CPAP: variants seen among roughly 807,000 people sequenced by gnomAD.
The protein encoded by CPAP is centrosomal P4.1-associated protein.
chr13:24,898,070 A>G, the CPAP span, among the ~76,000 whole-genome samples: 1 of 151,756 alleles, frequency 6.6e-6, no homozygotes, highest in African/African-American at 2.4e-5. Flanking sequence ...ATTTTTTTGT[A>G]TTTTTCGTAG....
the CPAP span, among the ~76,000 whole-genome samples, chr13:24,888,835 T>G: frequency 6.6e-6 from 1 of 152,204 alleles, no homozygotes; most frequent in East Asian, 1.9e-4. Flanking sequence ...TCATACAGTA[T>G]TGAAAGAAAA....
chr13:24,896,006 A>C, the CPAP span, among the ~76,000 whole-genome samples: 1 of 152,230 alleles, frequency 6.6e-6, no homozygotes, highest in Non-Finnish European at 1.5e-5. Flanking sequence ...TAATTTTTTG[A>C]TGATTTAATA....
chr13:24,903,178 G>T, the CPAP span, among the ~76,000 whole-genome samples: 1 of 152,152 alleles, frequency 6.6e-6, no homozygotes. Context: ...CATGACCTAG[G>T]GTAGGAGACG....
At chr13:24,884,146 G>A in the CPAP span, 14 of 1,613,788 alleles carry the variant, frequency 8.7e-6, no homozygotes, top group Admixed American at 1.8e-4. Context: ...ATGAGAGGGT[G>A]GAGCAAGTTT....
the CPAP span, among the ~76,000 whole-genome samples, chr13:24,889,572 C>T: frequency 1.1e-5 from 1 of 93,272 alleles, no homozygotes; most frequent in Non-Finnish European, 2.9e-5. Flanking sequence ...GGAATCACTG[C>T]GCGTGTGCAC....
the CPAP span, among the ~76,000 whole-genome samples, chr13:24,930,734 T>A: frequency 6.6e-6 from 1 of 152,256 alleles, no homozygotes; most frequent in Non-Finnish European, 1.5e-5. Flanking sequence ...CTGAGTTGAT[T>A]CCATGTCTTT....
At chr13:24,890,089 C>G in the CPAP span, among the ~76,000 whole-genome samples, 1 of 152,182 alleles carries the variant, frequency 6.6e-6, no homozygotes, top group Admixed American at 6.5e-5. Context: ...GTAGGGCATT[C>G]TACAAAGCAA....
the CPAP span, among the ~76,000 whole-genome samples, chr13:24,920,124 C>A: frequency 6.6e-6 from 1 of 152,132 alleles, no homozygotes; most frequent in Non-Finnish European, 1.5e-5. Context: ...GGCAAAAAAT[C>A]TGAATTTAAT....
the CPAP span, chr13:24,889,377 GTT>G: frequency 8.7e-6 from 14 of 1,610,432 alleles, no homozygotes; most frequent in Non-Finnish European, 1.2e-5. Flanking sequence ...AAATCTGACT[GTT>G]TTGAAATCGA....
chr13:24,892,942 C>A, the CPAP span: 1 of 1,064,790 alleles, frequency 9.4e-7, no homozygotes, highest in South Asian at 1.4e-5. Flanking sequence ...GAATAGAGAC[C>A]CAGCAATGAA....
chr13:24,919,388 C>T, the CPAP span, among the ~76,000 whole-genome samples: 8 of 152,130 alleles, frequency 5.3e-5, no homozygotes, highest in Admixed American at 2.0e-4. Flanking sequence ...CAATTCAAAG[C>T]CTGATACTGA....
chr13:24,899,621 C>A, the CPAP span: 11 of 1,555,050 alleles, frequency 7.1e-6, no homozygotes, highest in Non-Finnish European at 9.7e-6. Context: ...CTAAGGAGAC[C>A]ATCTCAGTGC....
the CPAP span, chr13:24,886,331 G>A: frequency 7.4e-5 from 95 of 1,289,258 alleles, no homozygotes; most frequent in Non-Finnish European, 8.2e-5. Flanking sequence ...GGAGGAGAGC[G>A]GAGGCAGGTG....
the CPAP span, chr13:24,882,326 T>C: frequency 6.6e-6 from 1 of 151,628 alleles, no homozygotes; most frequent in Non-Finnish European, 1.5e-5. Context: ...CACCTGGAAT[T>C]GATAGATTTC....
At chr13:24,914,778 AAAAT>A in the CPAP span, among the ~76,000 whole-genome samples, 3 of 152,122 alleles carry the variant, frequency 2.0e-5, no homozygotes, top group Non-Finnish European at 4.4e-5. Flanking sequence ...CCTGTCTCAA[AAAAT>A]AAATAAATAA....
the CPAP span, among the ~76,000 whole-genome samples, chr13:24,903,376 A>G: frequency 6.6e-6 from 1 of 152,230 alleles, no homozygotes; most frequent in African/African-American, 2.4e-5. Context: ...CAAGACAAAC[A>G]CACACAGAGG....
the CPAP span, chr13:24,908,045 G>T: frequency 4.3e-6 from 7 of 1,612,252 alleles, no homozygotes; most frequent in East Asian, 6.7e-5. Context: ...CACTTCTGAG[G>T]AATCATCATG....
chr13:24,929,566 C>T, the CPAP span, among the ~76,000 whole-genome samples: 1 of 152,196 alleles, frequency 6.6e-6, no homozygotes, highest in African/African-American at 2.4e-5. Context: ...TGGCTTTCAA[C>T]AGTTTGATTA....
chr13:24,882,762 T>C, the CPAP span: 2 of 187,928 alleles, frequency 1.1e-5, no homozygotes, highest in African/African-American at 2.4e-5. Flanking sequence ...TAGTAATATT[T>C]TGGCTACAGA....
Sources: allele counts gnomAD v4.1 joint callset (sites outside exome capture counted in the v4.1 genomes callset), GRCh38; gene constraint gnomAD v4.1.1; transcripts MANE v1.5; gene names NCBI Gene and HGNC (gene_info 2026-07-23, HGNC 2026-07-21).